Variants in CLIP1 observed in about 807,000 individuals in gnomAD.
The protein encoded by CLIP1 is CAP-Gly domain containing linker protein 1, also known as CAP-Gly domain-containing linker protein 1.
A neutral mutation model predicts 161.6 loss-of-function variants in CLIP1; 66 were observed. The observed-to-expected ratio is 0.41, with a 90% CI of 0.33 to 0.50. CLIP1 has a LOEUF of 0.50. CLIP1 is among the 20% of genes least tolerant of loss of function. The pLI, the probability that CLIP1 is intolerant of heterozygous loss-of-function variation, is 0.27. For missense variants in CLIP1, 1,376 were observed against 1,702.0 expected (o/e 0.81, Z 3.37); for synonymous variants, 598 against 626.2 (o/e 0.96, Z 0.67).
chr12:122,302,014 A>G (rs1022187233), intron 20 of CLIP1, among the ~76,000 whole-genome samples: 1 of 152,082 alleles, frequency 6.6e-6, no homozygotes, highest in African/African-American at 2.4e-5. Context: ...TTTTTTTTGC[A>G]TTGAATGTAT....
rs1951892616 is a variant in CLIP1, at chr12:122,330,376, G to A, written c.2868-1950C>T. 3.3e-5 allele frequency among the ~76,000 whole-genome samples: 5 copies of A among 152,122 alleles called. No individual in the cohort carries two copies. In the South Asian group the frequency reaches 8.3e-4, roughly 25 times the overall value. On this transcript the variant is annotated intron_variant, in intron 15 of 25. Coordinates refer to ENST00000620786, the MANE Select transcript of CLIP1 (RefSeq NM_001247997.2). ...CGATGAAATTGTGTGGGGGTGAAAG[G>A]CTGGATGTCTTAATAAATAGAACTT...
At chr12:122,283,649 G>C (rs985595996) in intron 21 of CLIP1, among the ~76,000 whole-genome samples, 10 of 151,676 alleles carry the variant, frequency 6.6e-5, no homozygotes, top group African/African-American at 1.9e-4. Flanking sequence ...AGTAGAGATG[G>C]GGTTTCACCA....
chr12:122,352,923 G>A (rs921668693), intron 7 of CLIP1, 137 bp from the exon 8 acceptor site: 4 of 708,540 alleles, frequency 5.6e-6, no homozygotes, highest in Non-Finnish European at 1.0e-5. Flanking sequence ...GGAGGTGGAG[G>A]CAGGAGGATC....
chr12:122,382,743 G>T (rs1680737928), intron 1 of CLIP1, among the ~76,000 whole-genome samples: 1 of 152,138 alleles, frequency 6.6e-6, no homozygotes, highest in East Asian at 1.9e-4. Context: ...AGTGTGGTTT[G>T]GGAGAAGATT....
In CLIP1 at chr12:122,316,798, CT is replaced by C; in HGVS notation, c.3423del (p.Glu1142AsnfsTer3). On this transcript the variant is annotated frameshift_variant, in exon 19 of 26. Coordinates refer to ENST00000620786, the MANE Select transcript of CLIP1 (RefSeq NM_001247997.2). LOFTEE classifies it high-confidence loss of function. ...TTTTGATTCTCTACAGTCAGGAGTT[CT>C]TTTGATTTGTTCAGCTCTTCCACAT... is the stretch of plus-strand genomic sequence containing the variant. ...LKNVEELNKSKELLTVENQKM... is the reference protein window; with the variant it reads ...LKNVEELNKSXELLTVENQKM... The C allele has an allele frequency of 6.3e-7, 1 of 1,595,280 alleles. No homozygotes were observed. The highest frequency in any genetic ancestry group is 8.5e-7 in the Non-Finnish European group (1 of 1,172,666).
At chr12:122,312,547 T>C (rs1033157141) in intron 19 of CLIP1, among the ~76,000 whole-genome samples, 1 of 152,186 alleles carries the variant, frequency 6.6e-6, no homozygotes, top group African/African-American at 2.4e-5. Flanking sequence ...GCGGATCACT[T>C]GAGGCCAGGA....
chr12:122,370,830 T>A (rs1199249526), intron 3 of CLIP1, among the ~76,000 whole-genome samples: 4 of 151,894 alleles, frequency 2.6e-5, no homozygotes, highest in Admixed American at 6.6e-5. Flanking sequence ...GGGTAATGCA[T>A]GCCTGTAATC....
intron 17 of CLIP1, among the ~76,000 whole-genome samples, chr12:122,326,459 C>T (rs980191090): frequency 3.3e-5 from 5 of 152,204 alleles, no homozygotes; most frequent in Non-Finnish European, 5.9e-5. Context: ...GCAGGTGGAT[C>T]GCTTGCATCC....
chr12:122,336,520 A>T, intron 12 of CLIP1, 112 bp downstream of exon 12: 1 of 664,708 alleles, frequency 1.5e-6, no homozygotes, highest in Middle Eastern at 2.8e-4. Context: ...ACTCAAGTTG[A>T]ATCAACACTT....
intron 21 of CLIP1, among the ~76,000 whole-genome samples, chr12:122,285,063 A>G (rs1256511666): frequency 1.3e-5 from 2 of 151,830 alleles, no homozygotes; most frequent in Non-Finnish European, 2.9e-5. Flanking sequence ...TGATCCTCTC[A>G]CCTCAGCCTC....
At chr12:122,339,136 G>A (rs1952375609) in intron 11 of CLIP1, among the ~76,000 whole-genome samples, 1 of 152,156 alleles carries the variant, frequency 6.6e-6, no homozygotes, top group Non-Finnish European at 1.5e-5. Context: ...TAGTTAGTAA[G>A]GAATGCAGCT....
In CLIP1 at chr12:122,286,520, TAAAAAAAAAAAAAAA is replaced by T. The variant is rs57260606; in HGVS notation, c.3647+1954_3647+1968del. Among the ~76,000 whole-genome samples the T allele has an allele frequency of 9.2e-4, 26 of 28,260 alleles. No homozygotes were observed. In the South Asian group the frequency reaches 0.017, roughly 18 times the overall value. The allele number at this position is 28,260 out of a possible 152,430, so 18.5% of individuals were successfully genotyped here. On this transcript the variant is annotated intron_variant, in intron 21 of 25. Transcript: ENST00000620786. ...TGGGTGATAGAGCAAGACTCTGTCTTAAAAAAAAAAAAAAAAAAAAAAAAAAAAAAAAGTAGACAA... is the reference window on the plus strand; with the variant it reads ...TGGGTGATAGAGCAAGACTCTGTCTTAAAAAAAAAAAAAAAAAGTAGACAA...
chr12:122,418,452 T>C (rs560179095), intron 1 of CLIP1, among the ~76,000 whole-genome samples: 6 of 152,086 alleles, frequency 3.9e-5, no homozygotes, highest in Non-Finnish European at 7.4e-5. Flanking sequence ...AGGAAAGAAA[T>C]TGATTATTTG....
At chr12:122,403,690 TTTTTA>T (rs372533735) in intron 1 of CLIP1, among the ~76,000 whole-genome samples, 2,976 of 151,918 alleles carry the variant, frequency 0.02, 66 homozygotes, top group African/African-American at 0.048. Context: ...AGCTAATTTT[TTTTTA>T]TTTTTAGTAG....
intron 1 of CLIP1, among the ~76,000 whole-genome samples, chr12:122,410,561 C>T (rs1315396650): frequency 2.0e-5 from 3 of 150,652 alleles, no homozygotes; most frequent in Non-Finnish European, 2.9e-5. Flanking sequence ...TGGGTTCAAG[C>T]GATTCTCCTG....
At chr12:122,278,700 A>C (rs1955529134) in intron 23 of CLIP1, 92 bp downstream of exon 23, 1 of 1,343,248 alleles carries the variant, frequency 7.4e-7, no homozygotes, top group Non-Finnish European at 1.0e-6. Flanking sequence ...TCAGGGCAGC[A>C]TGAGAGCTGT....
chr12:122,390,207 T>C (rs867054223), intron 1 of CLIP1, among the ~76,000 whole-genome samples: 37 of 128,808 alleles, frequency 2.9e-4, no homozygotes, highest in African/African-American at 5.8e-4. Context: ...AATATATATA[T>C]ACACACATAT....
rs1955577490 is a variant in CLIP1, at chr12:122,279,933, C to G, written c.3648-788G>C. On this transcript the variant is annotated intron_variant, in intron 21 of 25. Coordinates refer to ENST00000620786, the MANE Select transcript of CLIP1 (RefSeq NM_001247997.2). The surrounding 1 kb of genome is among the most constrained non-coding windows in gnomAD (Gnocchi z 4.5). The stretch of plus-strand genomic sequence containing the variant: ...TTATCAGCAGAGGGCGGGGATGAGG[C>G]CTTTAATGAGAGGGTTGTGGGAGTG... 6.6e-6 allele frequency: 1 copy of G among 151,830 alleles called. No homozygotes were observed. The highest frequency in any genetic ancestry group is 2.1e-4 in the South Asian group (1 of 4,800). 9.4% of individuals were successfully genotyped at this position (151,830 alleles called of 1,614,324 possible).
intron 3 of CLIP1, among the ~76,000 whole-genome samples, chr12:122,373,914 A>G (rs1954582754): frequency 6.6e-6 from 1 of 152,238 alleles, no homozygotes; most frequent in African/African-American, 2.4e-5. Flanking sequence ...AATGTTCAGC[A>G]AATGAAGACA....
Sources: allele counts gnomAD v4.1 joint callset (sites outside exome capture counted in the v4.1 genomes callset), GRCh38; gene constraint gnomAD v4.1.1; non-coding constraint Gnocchi (gnomAD v3.1); transcripts MANE v1.5; gene names NCBI Gene and HGNC (gene_info 2026-07-23, HGNC 2026-07-21).